The following ROBO2 variants were observed in gnomAD, a reference collection of about 807,000 sequenced individuals.
ROBO2 encodes roundabout guidance receptor 2.
ROBO2 carries 53 observed loss-of-function variants against 160.8 expected under a neutral mutation model. The observed-to-expected ratio is 0.33, with a 90% CI of 0.26 to 0.41. The LOEUF (loss-of-function observed/expected upper bound fraction) is 0.41, where lower values mean the gene tolerates loss of function less well. Ranked by LOEUF, ROBO2 falls within the 10% of genes least tolerant of loss-of-function variation. The pLI is 1.00. For missense variants in ROBO2, 1,577 were observed against 1,722.4 expected (o/e 0.92, Z 1.49); for synonymous variants, 664 against 611.7 (o/e 1.09, Z -1.26).
chr3:77,208,104 T>C (rs1007663803), intron 2 of ROBO2, among the ~76,000 whole-genome samples: 3 of 152,186 alleles, frequency 2.0e-5, no homozygotes, highest in Admixed American at 6.5e-5. Flanking sequence ...CAGTCTCTTT[T>C]GTGATTCTAA....
chr3:76,495,756 CTA>C (rs2107582576), intron 2 of ROBO2, among the ~76,000 whole-genome samples: 1 of 152,164 alleles, frequency 6.6e-6, no homozygotes, highest in East Asian at 1.9e-4. Context: ...TGAAGAACAA[CTA>C]TGTTATCAGA....
At chr3:77,598,525 G>GTATATATA (rs2094360933) in intron 19 of ROBO2, among the ~76,000 whole-genome samples, 1 of 71,450 alleles carries the variant, frequency 1.4e-5, no homozygotes, top group African/African-American at 5.7e-5. Context: ...ATATATATAT[G>GTATATATA]TGTATATATA....
intron 2 of ROBO2, among the ~76,000 whole-genome samples, chr3:76,689,976 C>T (rs1035981454): frequency 6.6e-6 from 1 of 152,058 alleles, no homozygotes; most frequent in East Asian, 1.9e-4. Context: ...TTAACCTGGT[C>T]GTTGAAATTG....
intron 2 of ROBO2, among the ~76,000 whole-genome samples, chr3:76,133,890 C>G (rs559548607): frequency 6.6e-6 from 1 of 151,618 alleles, no homozygotes; most frequent in Non-Finnish European, 1.5e-5. Context: ...CCTTTGACAA[C>G]GCCCTCACAG....
intron 2 of ROBO2, among the ~76,000 whole-genome samples, chr3:75,990,465 A>C (rs2065535355): frequency 1.3e-5 from 2 of 152,208 alleles, no homozygotes; most frequent in African/African-American, 4.8e-5. Context: ...AAAGTGGCTT[A>C]GTTGTTACTC....
intron 1 of ROBO2, among the ~76,000 whole-genome samples, chr3:75,911,965 T>C (rs1559745524): frequency 6.6e-6 from 1 of 152,168 alleles, no homozygotes. Flanking sequence ...CAGCACATGG[T>C]AGAAATTTGA....
Position 77,401,232 on chromosome 3 carries a change from G to A in ROBO2, c.389-76182G>A, listed in dbSNP as rs111727487. ...GCTTACATTTTATTTTATTTCTGCTGGTCATGTACTACTGCAGAGTTGTTT... is the reference window on the plus strand; with the variant it reads ...GCTTACATTTTATTTTATTTCTGCTAGTCATGTACTACTGCAGAGTTGTTT... On this transcript the variant is annotated intron_variant, in intron 2 of 25. Coordinates refer to ENST00000461745, the Ensembl canonical transcript of ROBO2. Among the ~76,000 whole-genome samples the A allele has an allele frequency of 1.2e-4, 18 of 150,406 alleles. No homozygotes were observed. The East Asian group carries it at 2.6e-3, about 21-fold the overall frequency.
At chr3:77,632,206 T>G in intron 23 of ROBO2, 1 of 265,536 alleles carries the variant, frequency 3.8e-6, no homozygotes, top group Non-Finnish European at 7.0e-6. Flanking sequence ...TGGAAAACGA[T>G]TGTGTAATAA....
At chr3:76,165,288 A>G (rs2072790285) in intron 2 of ROBO2, among the ~76,000 whole-genome samples, 1 of 151,818 alleles carries the variant, frequency 6.6e-6, no homozygotes, top group Non-Finnish European at 1.5e-5. Flanking sequence ...TTGCGTTTTT[A>G]TGTTATGGAG....
intron 2 of ROBO2, among the ~76,000 whole-genome samples, chr3:77,332,425 G>A (rs1026470538): frequency 2.0e-5 from 3 of 152,136 alleles, no homozygotes; most frequent in African/African-American, 7.2e-5. Flanking sequence ...ATTATGGGGT[G>A]TGTGGTTAAA....
At chr3:76,542,358 C>T (rs921041812) in intron 2 of ROBO2, among the ~76,000 whole-genome samples, 22 of 152,024 alleles carry the variant, frequency 1.4e-4, no homozygotes, top group Admixed American at 7.9e-4. Flanking sequence ...TTTCTCTATC[C>T]GCACCCCATT....
At chr3:76,019,535 A>C (rs747078244) in intron 2 of ROBO2, among the ~76,000 whole-genome samples, 2 of 138,440 alleles carry the variant, frequency 1.4e-5, no homozygotes, top group Admixed American at 7.2e-5. Flanking sequence ...CACATGGTTC[A>C]GTTTTCTCTG....
intron 2 of ROBO2, among the ~76,000 whole-genome samples, chr3:76,567,636 TATATATATATATATATACACATACAC>T (rs1560162629): frequency 1.1e-5 from 1 of 87,474 alleles, no homozygotes. Flanking sequence ...TATATATATA[TATATATATATATATATACACATACAC>T]ATATATATAC....
intron 2 of ROBO2, among the ~76,000 whole-genome samples, chr3:76,737,733 A>G (rs2093736801): frequency 6.6e-6 from 1 of 152,224 alleles, no homozygotes; most frequent in Non-Finnish European, 1.5e-5. Context: ...GAAATTGTAT[A>G]GTGAAGGGTT....
intron 2 of ROBO2, among the ~76,000 whole-genome samples, chr3:76,608,763 G>C (rs1324550785): frequency 6.6e-6 from 1 of 152,038 alleles, no homozygotes; most frequent in African/African-American, 2.4e-5. Context: ...GAGACATAGG[G>C]TCTTATTTCT....
intron 2 of ROBO2, among the ~76,000 whole-genome samples, chr3:77,364,258 T>C (rs1049628593): frequency 1.3e-5 from 2 of 152,116 alleles, no homozygotes; most frequent in African/African-American, 4.8e-5. Flanking sequence ...TGTTGAACTA[T>C]ATTCTCCATG....
At chr3:75,960,096 G>A (rs1948856901) in intron 2 of ROBO2, among the ~76,000 whole-genome samples, 1 of 151,574 alleles carries the variant, frequency 6.6e-6, no homozygotes, top group African/African-American at 2.4e-5. Flanking sequence ...TGGGGTGAGG[G>A]GATTGTAGAG....
At chr3:76,412,856 C>T (rs1363923209) in intron 2 of ROBO2, among the ~76,000 whole-genome samples, 1 of 152,220 alleles carries the variant, frequency 6.6e-6, no homozygotes, top group African/African-American at 2.4e-5. Context: ...TGGCCCTCTT[C>T]TCACAGCTGC....
intron 2 of ROBO2, among the ~76,000 whole-genome samples, chr3:76,342,280 G>T (rs2074272678): frequency 6.6e-6 from 1 of 152,090 alleles, no homozygotes; most frequent in Non-Finnish European, 1.5e-5. Flanking sequence ...AGCCTGTCAT[G>T]ATTTCATGGA....
Sources: gnomAD v4.1 joint callset for allele counts (sites outside exome capture counted in the v4.1 genomes callset) on GRCh38, gnomAD v4.1.1 for gene constraint, MANE v1.5 for transcripts, NCBI Gene and HGNC (gene_info 2026-07-23, HGNC 2026-07-21) for gene names.